The following FRMD4A variants were observed in gnomAD, a reference collection of about 807,000 sequenced individuals.
FRMD4A encodes FERM domain-containing protein 4A.
A neutral mutation model predicts 129.1 loss-of-function variants in FRMD4A; 29 were observed. The observed-to-expected ratio is 0.22, with a 90% CI of 0.17 to 0.31. FRMD4A has a LOEUF of 0.31. FRMD4A is among the 10% of genes least tolerant of loss of function. The probability of loss-of-function intolerance (pLI) is 1.00; values close to 1 mark genes in which losing one functional copy is unlikely to be tolerated. For synonymous variants in FRMD4A, 634 were observed against 571.6 expected, an observed-to-expected ratio of 1.11 and a Z score of -1.56; for missense variants, 1,272 against 1,375.8, an observed-to-expected ratio of 0.92 and a Z score of 1.19.
intron 2 of FRMD4A, among the ~76,000 whole-genome samples, chr10:14,039,373 TCCATCCATCC>T (rs1565204286): frequency 6.5e-5 from 7 of 108,020 alleles, no homozygotes; most frequent in African/African-American, 2.4e-4. Context: ...CGTCCGTCCA[TCCATCCATCC>T]ATCCATCCAT....
In FRMD4A at chr10:13,651,551, C is replaced by T. The variant is rs541545140; in HGVS notation, c.*2+352G>A. ...CTACTAAAAATACAAAAATTAGCCA[C>T]GCATGCACCTGTAGCTACTAGGGAG... On this transcript the variant is annotated intron_variant, in intron 24 of 24. Transcript: ENST00000357447. 325 of 224,978 alleles carry T rather than the reference C, an allele frequency of 1.4e-3. 1 individual carries two copies. Among genetic ancestry groups the T allele is most frequent in the African/African-American group, 6.5e-3 (284 of 43,456 alleles). 13.9% of individuals were successfully genotyped at this position (224,978 alleles called of 1,614,324 possible).
chr10:14,192,885 A>G (rs1842359282), intron 2 of FRMD4A, among the ~76,000 whole-genome samples: 1 of 152,250 alleles, frequency 6.6e-6, no homozygotes, highest in Non-Finnish European at 1.5e-5. Context: ...ATTTCTAATC[A>G]CACCAATAGG....
intron 4 of FRMD4A, among the ~76,000 whole-genome samples, chr10:13,804,353 C>T (rs7095901): frequency 2.0e-5 from 3 of 152,096 alleles, no homozygotes; most frequent in African/African-American, 7.2e-5. Context: ...TGTAGATAAG[C>T]TTGTGGCCAG....
chr10:13,845,659 TG>T (rs1473088687), intron 3 of FRMD4A, among the ~76,000 whole-genome samples: 1 of 152,190 alleles, frequency 6.6e-6, no homozygotes, highest in Non-Finnish European at 1.5e-5. Flanking sequence ...ATGCCCATGT[TG>T]TGCCAGACAG....
chr10:14,004,344 A>C (rs1273914707), intron 2 of FRMD4A, among the ~76,000 whole-genome samples: 1 of 152,178 alleles, frequency 6.6e-6, no homozygotes, highest in Non-Finnish European at 1.5e-5. Flanking sequence ...GGAGTTCGAG[A>C]CCAGCCTGGC....
intron 2 of FRMD4A, among the ~76,000 whole-genome samples, chr10:14,322,421 CAGG>C: frequency 6.6e-6 from 1 of 152,212 alleles, no homozygotes; most frequent in Middle Eastern, 3.4e-3. Context: ...GTGGAACAAG[CAGG>C]AGAATAAATC....
At position 14,329,188 on chromosome 10, in the gene FRMD4A, T is replaced by C. The variant is rs187204844; in HGVS notation, c.45+870A>G. 4.5e-4 allele frequency among the ~76,000 whole-genome samples: 69 copies of C among 152,318 alleles called. 1 individual carries two copies. The highest frequency in any genetic ancestry group is 4.5e-3 in the Admixed American group (69 of 15,306). ...CAATATACACAGAAGCACTTATGCTTGGTTCATAAAATCTCCTGTGTAAAT... is the reference window on the plus strand; with the variant it reads ...CAATATACACAGAAGCACTTATGCTCGGTTCATAAAATCTCCTGTGTAAAT... On this transcript the variant is annotated intron_variant, in intron 2 of 24. Transcript: ENST00000357447.
At chr10:14,287,042 T>C (rs1196157357) in intron 2 of FRMD4A, among the ~76,000 whole-genome samples, 2 of 152,176 alleles carry the variant, frequency 1.3e-5, no homozygotes, top group African/African-American at 4.8e-5. Flanking sequence ...AAGGTCAATC[T>C]CTAATAAAAT....
At chr10:13,873,585 C>T (rs554338065) in intron 2 of FRMD4A, among the ~76,000 whole-genome samples, 12 of 152,290 alleles carry the variant, frequency 7.9e-5, no homozygotes, top group African/African-American at 1.4e-4. Context: ...CTCGCTCTTT[C>T]GCCCAGGCTG....
intron 2 of FRMD4A, among the ~76,000 whole-genome samples, chr10:14,281,822 G>A (rs528748218): frequency 9.2e-5 from 14 of 152,284 alleles, no homozygotes; most frequent in Non-Finnish European, 1.5e-4. Context: ...TCCAATGTAG[G>A]TGGGGTAAAC....
At chr10:13,920,923 G>A (rs1290231965) in intron 2 of FRMD4A, among the ~76,000 whole-genome samples, 2 of 152,082 alleles carry the variant, frequency 1.3e-5, no homozygotes, top group South Asian at 2.1e-4. Context: ...TATGTGCCAG[G>A]CACTGCGCCA....
At chr10:14,298,033 T>G (rs1435753975) in intron 2 of FRMD4A, among the ~76,000 whole-genome samples, 1 of 152,232 alleles carries the variant, frequency 6.6e-6, no homozygotes. Flanking sequence ...TCCAACCCAA[T>G]GCCTGTTTTT....
chr10:14,110,126 A>T (rs10637311), intron 2 of FRMD4A, among the ~76,000 whole-genome samples: 801 of 16,902 alleles, frequency 0.047, 23 homozygotes, highest in East Asian at 0.064. Flanking sequence ...GAGATGCTGT[A>T]AAAAAAAAAA....
intron 2 of FRMD4A, among the ~76,000 whole-genome samples, chr10:13,967,141 C>A (rs2095490138): frequency 6.6e-6 from 1 of 152,180 alleles, no homozygotes; most frequent in South Asian, 2.1e-4. Context: ...TTGAGACCAT[C>A]CTGGCTAACA....
chr10:14,161,301 A>C (rs535683812), intron 2 of FRMD4A, among the ~76,000 whole-genome samples: 1 of 152,188 alleles, frequency 6.6e-6, no homozygotes, highest in Non-Finnish European at 1.5e-5. Context: ...CATACAATCC[A>C]ACAATTCCAC....
At chr10:14,087,942 A>ACTTTTTGGC (rs1836393025) in intron 2 of FRMD4A, among the ~76,000 whole-genome samples, 1 of 152,196 alleles carries the variant, frequency 6.6e-6, no homozygotes, top group African/African-American at 2.4e-5. Flanking sequence ...GGATACTAAA[A>ACTTTTTGGC]AGCAAATTAT....
At chr10:14,061,214 A>G (rs1257382463) in intron 2 of FRMD4A, among the ~76,000 whole-genome samples, 3 of 152,136 alleles carry the variant, frequency 2.0e-5, no homozygotes, top group Non-Finnish European at 4.4e-5. Context: ...TGGAGGCCGA[A>G]GCGGGTGGAC....
At chr10:14,171,013 A>AG (rs1026231135) in intron 2 of FRMD4A, among the ~76,000 whole-genome samples, 11 of 2,034 alleles carry the variant, frequency 5.4e-3, no homozygotes, top group South Asian at 0.032. Flanking sequence ...ATACGAGGGG[A>AG]GTTTTTTTTT....
At chr10:14,301,218 G>A (rs1177698310) in intron 2 of FRMD4A, among the ~76,000 whole-genome samples, 1 of 152,212 alleles carries the variant, frequency 6.6e-6, no homozygotes, top group Non-Finnish European at 1.5e-5. Context: ...GGTATTCACT[G>A]TATGTGCTTC....
Sources: gnomAD v4.1 joint callset for allele counts (sites outside exome capture counted in the v4.1 genomes callset) on GRCh38, gnomAD v4.1.1 for gene constraint, MANE v1.5 for transcripts, NCBI Gene and HGNC (gene_info 2026-07-23, HGNC 2026-07-21) for gene names.